Variants in MICALL2 observed in about 807,000 individuals in gnomAD.
MICALL2 encodes MICAL-like protein 2.
In MICALL2, 111 loss-of-function variants were observed where a neutral mutation model predicts 91.1. The observed-to-expected ratio is 1.22, with a 90% CI of 1.04 to 1.43. The LOEUF is 1.43. MICALL2 is among the 40% of genes most tolerant of loss of function. The pLI is 0.00. For synonymous variants in MICALL2, 694 were observed against 525.3 expected (o/e 1.32, Z -4.39); for missense variants, 1,556 against 1,236.0 (o/e 1.26, Z -3.88).
chr7:1,449,694 T>C (rs1780749372), intron 2 of MICALL2, among the ~76,000 whole-genome samples: 1 of 152,220 alleles, frequency 6.6e-6, no homozygotes, highest in South Asian at 2.1e-4. Context: ...GCACAGGACA[T>C]GCCTGCAGGG....
intron 7 of MICALL2, chr7:1,441,977 A>T (rs1393252397): frequency 1.9e-5 from 12 of 615,482 alleles, no homozygotes; most frequent in Non-Finnish European, 3.4e-5. Context: ...GGGTGCCGGC[A>T]AACAGCATAG....
rs149411647 is a variant in MICALL2 at position 1,442,617 on chromosome 7, C to A, written c.1419-133G>T. 53 of 850,738 alleles carry A rather than the reference C, an allele frequency of 6.2e-5. 1 individual carries two copies. In the South Asian group the frequency reaches 8.9e-4, roughly 14 times the overall value. 52.7% of individuals were successfully genotyped at this position (850,738 alleles called of 1,614,324 possible). A position where few individuals can be genotyped will look rare whatever the true frequency, so the allele number is the denominator to read the frequency against. ...TCCGGACGGACTCCCACCATCACCC[C>A]AGGCCACCCTCCACCTCCCCCACCA... is the stretch of plus-strand genomic sequence containing the variant. On this transcript the variant is annotated intron_variant, in intron 6 of 16. Coordinates refer to ENST00000297508, the MANE Select transcript of MICALL2 (RefSeq NM_182924.4).
intron 1 of MICALL2, among the ~76,000 whole-genome samples, chr7:1,450,743 G>A (rs970785513): frequency 6.6e-6 from 1 of 152,216 alleles, no homozygotes; most frequent in Admixed American, 6.5e-5. Context: ...CAGGGCAGGG[G>A]ACGGCACCAT....
intron 16 of MICALL2, 176 bp downstream of exon 16, chr7:1,434,925 T>A: frequency 2.6e-6 from 2 of 767,262 alleles, no homozygotes; most frequent in Non-Finnish European, 4.2e-6. Flanking sequence ...GAGGGAGCTC[T>A]CACCCTCAGG....
chr7:1,441,991 T>G, intron 7 of MICALL2: 1 of 656,278 alleles, frequency 1.5e-6, no homozygotes, highest in South Asian at 1.9e-5. Flanking sequence ...AGCATAGCCC[T>G]GAGGACATTT....
intron 2 of MICALL2, among the ~76,000 whole-genome samples, chr7:1,449,068 T>TA (rs1261593395): frequency 1.3e-5 from 2 of 152,234 alleles, no homozygotes; most frequent in Non-Finnish European, 2.9e-5. Context: ...AACCCAGACT[T>TA]ACGCAGTCTT....
chr7:1,441,789 C>G (rs151282676), intron 7 of MICALL2: 16 of 245,260 alleles, frequency 6.5e-5, no homozygotes, highest in Non-Finnish European at 1.1e-4. Flanking sequence ...AGCAACAGCG[C>G]GACGTTGTCA....
chr7:1,451,873 G>C lies in MICALL2; in HGVS notation c.144-1585C>G, dbSNP rs1294761599. On this transcript the variant is annotated intron_variant, in intron 1 of 16. Coordinates refer to ENST00000297508, the MANE Select transcript of MICALL2 (RefSeq NM_182924.4). The surrounding 1 kb of genome is among the most constrained non-coding windows in gnomAD (Gnocchi z 4.5). ...TCTGAGCCCAGCCTGCACAGCCCTT[G>C]CCAGGCCCTGACCCCCATAAGAATG... Among the ~76,000 whole-genome samples the C allele has an allele frequency of 6.6e-6, 1 of 152,208 alleles. No homozygotes were observed. Among genetic ancestry groups the C allele is most frequent in the African/African-American group, 2.4e-5 (1 of 41,462 alleles).
chr7:1,441,911 G>A (rs1050648263), intron 7 of MICALL2: 22 of 498,388 alleles, frequency 4.4e-5, no homozygotes, highest in Middle Eastern at 5.4e-4. Context: ...CGAGCTGAGC[G>A]GGACGCTGCA....
At chr7:1,434,984 C>CCGGGGGGGG in intron 16 of MICALL2, 117 bp downstream of exon 16, 1 of 449,088 alleles carries the variant, frequency 2.2e-6, no homozygotes, top group Non-Finnish European at 3.9e-6. Flanking sequence ...ACCCGATACC[C>CCGGGGGGGG]GCCCCCCCCC....
intron 4 of MICALL2, 128 bp from the exon 5 acceptor site, chr7:1,446,956 G>A: frequency 1.5e-6 from 1 of 682,170 alleles, no homozygotes; most frequent in Admixed American, 2.8e-5. Flanking sequence ...GCCGCCAGCA[G>A]GGCTGCGGTC....
chr7:1,443,977 CA>C (rs1780436022), intron 6 of MICALL2, among the ~76,000 whole-genome samples: 1 of 152,156 alleles, frequency 6.6e-6, no homozygotes, highest in Non-Finnish European at 1.5e-5. Context: ...TGGACTCAGT[CA>C]GACAAGGTGA....
rs1227025902 is a variant in MICALL2, at chr7:1,437,484, C to T, written c.2476+51G>A. The stretch of plus-strand genomic sequence containing the variant: ...AGAGCCGGCCCCCAGACATCCTGGG[C>T]TCCGCGGCATCCCTGGCTGGGGCCC... On this transcript the variant is annotated intron_variant, in intron 14 of 16. Transcript: ENST00000297508. 4 of 1,469,312 alleles carry T rather than the reference C, an allele frequency of 2.7e-6. No homozygotes were observed. The African/African-American group carries it at 5.8e-5, about 21-fold the overall frequency. 91.0% of individuals were successfully genotyped at this position (1,469,312 alleles called of 1,614,324 possible).
intron 1 of MICALL2, among the ~76,000 whole-genome samples, chr7:1,455,539 G>T (rs957627155): frequency 2.0e-5 from 3 of 147,488 alleles, no homozygotes; most frequent in East Asian, 3.9e-4. Flanking sequence ...GGAGATTCAC[G>T]GACACCTCTC....
intron 1 of MICALL2, among the ~76,000 whole-genome samples, chr7:1,454,447 G>C (rs112216856): frequency 1.0e-3 from 156 of 151,518 alleles, no homozygotes; most frequent in African/African-American, 3.6e-3. Flanking sequence ...GCAGAGCTCA[G>C]GAGAGGAGGG....
rs1780512839 is a variant in MICALL2, at chr7:1,445,168, G to A, written c.902C>T (p.Pro301Leu). 2 of 1,582,822 alleles carry A rather than the reference G, an allele frequency of 1.3e-6. No individual in the cohort carries two copies. The highest frequency in any genetic ancestry group is 1.1e-5 in the South Asian group (1 of 87,266). ...AGNSPARASV[P>L]AAPNPAATSA... is the part of the protein sequence containing the mutation. ...GGTGGCTGCAGGGTTGGGTGCAGCT[G>A]GAACGGAAGCCCTGGCAGGCGAGTT... is the stretch of plus-strand genomic sequence containing the variant. The change falls in exon 6 of 17, where the codon CCA (proline) becomes CTA (leucine). Residue 301 changes from proline (P) to leucine (L), a missense_variant. By Grantham distance (98) the Pro-to-Leu change is moderately conservative. Transcript: ENST00000297508.
intron 6 of MICALL2, among the ~76,000 whole-genome samples, chr7:1,443,492 A>G (rs1296881350): frequency 6.6e-6 from 1 of 152,192 alleles, no homozygotes; most frequent in Non-Finnish European, 1.5e-5. Context: ...GGTGACCCCT[A>G]AAAGTCATGT....
At chr7:1,454,403 G>C (rs1780939835) in intron 1 of MICALL2, among the ~76,000 whole-genome samples, 2 of 148,852 alleles carry the variant, frequency 1.3e-5, no homozygotes, top group Admixed American at 6.7e-5. Context: ...CTCGGGGAAG[G>C]AGCAAACCTC....
intron 2 of MICALL2, 44 bp from the exon 3 acceptor site, chr7:1,448,805 C>T: frequency 6.2e-7 from 1 of 1,606,132 alleles, no homozygotes; most frequent in Non-Finnish European, 8.5e-7. Context: ...TGGGAGCCCC[C>T]TCCTTCTCCA....
Sources: gnomAD v4.1 joint callset for allele counts (sites outside exome capture counted in the v4.1 genomes callset) on GRCh38, gnomAD v4.1.1 for gene constraint, Gnocchi (gnomAD v3.1) non-coding constraint, MANE v1.5 for transcripts, NCBI Gene and HGNC (gene_info 2026-07-23, HGNC 2026-07-21) for gene names.